The following RBFOX1 variants were observed in gnomAD, a reference collection of about 807,000 sequenced individuals.
RBFOX1 encodes RNA binding fox-1 homolog 1, also known as RNA binding protein fox-1 homolog 1.
Under a neutral mutation model 57.7 loss-of-function variants are expected in RBFOX1, and 8 were observed. The observed-to-expected ratio is 0.14, with a 90% CI of 0.08 to 0.25. The LOEUF is 0.25. Among genes scored for constraint, RBFOX1 ranks in the 10% least tolerant of loss-of-function variants. The pLI, the probability that RBFOX1 is intolerant of heterozygous loss-of-function variation, is 1.00. For synonymous variants in RBFOX1, 326 were observed against 222.4 expected (o/e 1.47, Z -4.15); for missense variants, 611 against 548.5 (o/e 1.11, Z -1.14).
At chr16:5,566,367 A>G (rs192361454) in intron 2 of RBFOX1, among the ~76,000 whole-genome samples, 62 of 152,266 alleles carry the variant, frequency 4.1e-4, no homozygotes, top group Non-Finnish European at 8.2e-4. Flanking sequence ...CGGGCTGCAA[A>G]TGGTGGCACG....
chr16:6,863,290 A>G (rs1260178094), intron 3 of RBFOX1, among the ~76,000 whole-genome samples: 2 of 152,254 alleles, frequency 1.3e-5, no homozygotes, highest in South Asian at 4.2e-4. Context: ...AGACTGGGAA[A>G]AGTGATTAGC....
chr16:6,708,616 C>T (rs561316797), intron 3 of RBFOX1, among the ~76,000 whole-genome samples: 2 of 152,328 alleles, frequency 1.3e-5, no homozygotes, highest in South Asian at 2.1e-4. Context: ...TTTAAGCCAA[C>T]AGCTGAGCGA....
intron 2 of RBFOX1, among the ~76,000 whole-genome samples, chr16:6,357,782 C>G (rs1437604922): frequency 2.0e-5 from 3 of 151,870 alleles, no homozygotes; most frequent in African/African-American, 7.3e-5. Flanking sequence ...AACACCCTGT[C>G]TCTACTAAAA....
chr16:7,451,568 C>A (rs897927192), intron 4 of RBFOX1, among the ~76,000 whole-genome samples: 3 of 152,138 alleles, frequency 2.0e-5, no homozygotes, highest in Non-Finnish European at 4.4e-5. Context: ...CCCTCTGGCT[C>A]TTAGAGACTG....
intron 2 of RBFOX1, among the ~76,000 whole-genome samples, chr16:6,557,770 G>C (rs561479100): frequency 1.3e-5 from 2 of 152,262 alleles, no homozygotes; most frequent in East Asian, 1.9e-4. Flanking sequence ...AATTTCAGAC[G>C]GTTCCATGTC....
intron 2 of RBFOX1, among the ~76,000 whole-genome samples, chr16:6,367,059 G>A (rs1008165920): frequency 2.6e-5 from 4 of 152,082 alleles, no homozygotes; most frequent in South Asian, 2.1e-4. Flanking sequence ...TCCCACTTCC[G>A]CAGCTTGTAG....
At chr16:5,270,918 T>G (rs1400765277) in intron 1 of RBFOX1, 1 of 414,334 alleles carries the variant, frequency 2.4e-6, no homozygotes, top group South Asian at 2.0e-5. Context: ...TTGAATGAGC[T>G]GATGGGTATG....
At chr16:7,582,027 C>CCA (rs778608453) in intron 6 of RBFOX1, among the ~76,000 whole-genome samples, 1 of 638 alleles carries the variant, frequency 1.6e-3, no homozygotes, top group Non-Finnish European at 3.2e-3. Flanking sequence ...CCATCCAGCA[C>CCA]CCCCCCCCCC....
At chr16:7,020,150 A>T (rs1184393328) in intron 3 of RBFOX1, among the ~76,000 whole-genome samples, 2 of 150,958 alleles carry the variant, frequency 1.3e-5, no homozygotes, top group Non-Finnish European at 2.9e-5. Flanking sequence ...GTACCCGGGG[A>T]CTCTTTTATG....
Position 5,708,134 on chromosome 16 carries a change from G to A in RBFOX1, c.318+109173G>A, listed in dbSNP as rs115688676. Among the ~76,000 whole-genome samples, 848 of 152,270 alleles carry A rather than the reference G, an allele frequency of 5.6e-3. 7 individuals are homozygous for A. Among genetic ancestry groups the A allele is most frequent in the African/African-American group, 0.019 (807 of 41,550 alleles). On this transcript the variant is annotated intron_variant, in intron 3 of 19. Transcript: ENST00000641259. The stretch of plus-strand genomic sequence containing the variant: ...GGAACCTCTTATTTTCTGAAAACCC[G>A]AAGTAGTCAGACTGGAACTGGATGA...
At chr16:5,483,218 C>T (rs142921082) in intron 2 of RBFOX1, among the ~76,000 whole-genome samples, 224 of 152,294 alleles carry the variant, frequency 1.5e-3, no homozygotes, top group African/African-American at 5.2e-3. Flanking sequence ...TGGGATAGAG[C>T]CACTTTTTCT....
At chr16:6,744,915 T>C (rs1189597858) in intron 3 of RBFOX1, among the ~76,000 whole-genome samples, 2 of 151,844 alleles carry the variant, frequency 1.3e-5, no homozygotes, top group Non-Finnish European at 2.9e-5. Flanking sequence ...TTTGAGAAAA[T>C]TAGTAAAATC....
At chr16:5,277,255 A>G (rs1387642611) in intron 1 of RBFOX1, among the ~76,000 whole-genome samples, 2 of 151,952 alleles carry the variant, frequency 1.3e-5, no homozygotes, top group East Asian at 1.9e-4. Flanking sequence ...GAGCTAAGCT[A>G]TGATGATGCA....
chr16:6,741,847 G>C (rs2072250981), intron 3 of RBFOX1, among the ~76,000 whole-genome samples: 2 of 152,172 alleles, frequency 1.3e-5, no homozygotes, highest in Admixed American at 6.5e-5. Context: ...TAAAGGGTTA[G>C]AGAAATGTTT....
chr16:7,367,352 G>C (rs964713467), intron 4 of RBFOX1, among the ~76,000 whole-genome samples: 1 of 152,214 alleles, frequency 6.6e-6, no homozygotes, highest in African/African-American at 2.4e-5. Context: ...GAGCTGCACA[G>C]AATCAGGTGT....
intron 4 of RBFOX1, among the ~76,000 whole-genome samples, chr16:7,398,912 A>C (rs1046589773): frequency 6.6e-6 from 1 of 152,192 alleles, no homozygotes; most frequent in Non-Finnish European, 1.5e-5. Context: ...ACAAATGCCC[A>C]CAAACTTGGT....
intron 4 of RBFOX1, among the ~76,000 whole-genome samples, chr16:7,178,572 A>G (rs1308212397): frequency 6.6e-6 from 1 of 152,156 alleles, no homozygotes; most frequent in Admixed American, 6.5e-5. Flanking sequence ...TTATGGGTAT[A>G]TTTCTGTTTC....
Position 6,961,145 on chromosome 16 carries a change from C to CACACACACACACA in RBFOX1, c.-15-90912_-15-90911insACACACACACACA, listed in dbSNP as rs142889433. On this transcript the variant is annotated intron_variant, in intron 3 of 15. Coordinates refer to ENST00000550418, the MANE Select transcript of RBFOX1 (RefSeq NM_018723.4). ...GCAATAGAGACTCCATCACACACAC[C>CACACACACACACA]CACACAGACACACACACGCAAAAGA... Among the ~76,000 whole-genome samples the CACACACACACACA allele has an allele frequency of 1.8e-3, 252 of 143,754 alleles. 4 individuals are homozygous for CACACACACACACA. The highest frequency in any genetic ancestry group is 0.01 in the East Asian group (51 of 4,916). 94.3% of individuals were successfully genotyped at this position (143,754 alleles called of 152,430 possible). A position where few individuals can be genotyped will look rare whatever the true frequency, so the allele number is the denominator to read the frequency against.
intron 1 of RBFOX1, among the ~76,000 whole-genome samples, chr16:5,462,163 TC>T (rs2043661392): frequency 1.1e-4 from 12 of 105,816 alleles, no homozygotes; most frequent in Admixed American, 6.4e-4. Flanking sequence ...TTTCTTTCTT[TC>T]TTTCTTTTTT....
Sources: allele counts gnomAD v4.1 joint callset (sites outside exome capture counted in the v4.1 genomes callset), GRCh38; gene constraint gnomAD v4.1.1; transcripts MANE v1.5; gene names NCBI Gene and HGNC (gene_info 2026-07-23, HGNC 2026-07-21).